IGF1: variants seen among roughly 807,000 people sequenced by gnomAD.
The protein encoded by IGF1 is insulin like growth factor 1.
IGF1 carries 4 observed loss-of-function variants against 13.8 expected under a neutral mutation model. The ratio of observed to expected loss-of-function variants is 0.29; its 90% CI spans 0.14 to 0.66. The LOEUF (loss-of-function observed/expected upper bound fraction) is 0.66. IGF1 is among the 30% of genes least tolerant of loss of function. The pLI is 0.78. For synonymous variants in IGF1, 76 were observed against 72.6 expected (o/e 1.05, Z -0.23); for missense variants, 124 against 188.5 (o/e 0.66, Z 2.00).
At chr12:102,459,437 G>C (rs1338140774) in intron 2 of IGF1, among the ~76,000 whole-genome samples, 1 of 152,080 alleles carries the variant, frequency 6.6e-6, no homozygotes, top group Non-Finnish European at 1.5e-5. Context: ...TTTGGTGGGC[G>C]ATGAGGAGGA....
intron 2 of IGF1, among the ~76,000 whole-genome samples, chr12:102,468,863 T>C (rs889112630): frequency 3.3e-5 from 5 of 152,188 alleles, no homozygotes; most frequent in Non-Finnish European, 7.3e-5. Flanking sequence ...GGGAGAGACC[T>C]TGTGGCTATT....
chr12:102,420,838 G>A (rs1224218606), intron 2 of IGF1, among the ~76,000 whole-genome samples: 1 of 152,068 alleles, frequency 6.6e-6, no homozygotes, highest in Non-Finnish European at 1.5e-5. Context: ...TATAAATCAC[G>A]GGCACAGAAG....
chr12:102,397,764 T>A lies in IGF1; in HGVS notation c.*4743A>T, dbSNP rs756085575. ...CACAATTCTTCTGTTTTAAAATAAA[T>A]GATGCCATTGCATAAATCAGATTTA... On this transcript the variant is annotated 3_prime_UTR_variant, in exon 4 of 4. Transcript: ENST00000337514. 1.3e-5 allele frequency: 2 copies of A among 152,212 alleles called. No individual in the cohort carries two copies. Among genetic ancestry groups the A allele is most frequent in the African/African-American group, 2.4e-5 (1 of 41,466 alleles). The allele number at this position is 152,212 out of a possible 1,614,324, so 9.4% of individuals were successfully genotyped here. A position where few individuals can be genotyped will look rare whatever the true frequency, so the allele number is the denominator to read the frequency against.
intron 2 of IGF1, among the ~76,000 whole-genome samples, chr12:102,467,018 T>G (rs902681449): frequency 3.3e-5 from 5 of 152,184 alleles, no homozygotes; most frequent in Non-Finnish European, 4.4e-5. Flanking sequence ...TAAATCCATT[T>G]AATCCAGAAT....
intron 2 of IGF1, among the ~76,000 whole-genome samples, chr12:102,422,229 T>G (rs911469630): frequency 1.3e-5 from 2 of 152,134 alleles, no homozygotes; most frequent in Non-Finnish European, 2.9e-5. Flanking sequence ...TCTACATTTG[T>G]TTTTTTAAAA....
Position 102,460,116 on chromosome 12 carries a change from AT to A in IGF1, c.220+15526del, listed in dbSNP as rs374537630. Among the ~76,000 whole-genome samples the A allele has an allele frequency of 2.6e-5, 4 of 152,260 alleles. No individual in the cohort carries two copies. The East Asian group carries it at 7.7e-4, about 29-fold the overall frequency. On this transcript the variant is annotated intron_variant, in intron 2 of 3. Coordinates refer to ENST00000337514, the MANE Select transcript of IGF1 (RefSeq NM_000618.5). ...AGGCTCAGCCATGCTGGATTGCACC[AT>A]TTTTTTCATAAGAGAAGTTGTTAAT...
intron 2 of IGF1, among the ~76,000 whole-genome samples, chr12:102,445,518 C>T (rs1204672198): frequency 1.3e-5 from 2 of 152,136 alleles, no homozygotes; most frequent in Non-Finnish European, 2.9e-5. Flanking sequence ...GGAGTTCACT[C>T]ATGATTTGGC....
At chr12:102,418,600 A>G (rs565664621) in intron 3 of IGF1, among the ~76,000 whole-genome samples, 14 of 152,304 alleles carry the variant, frequency 9.2e-5, no homozygotes, top group Admixed American at 3.9e-4. Context: ...AACGAGAGCT[A>G]TTTCTTCCCT....
intron 1 of IGF1, chr12:102,478,780 C>A: frequency 1.8e-6 from 1 of 544,190 alleles, no homozygotes. Flanking sequence ...TGTAGCAGCC[C>A]AGATAGTGAC....
chr12:102,442,274 T>C (rs1025044934), intron 2 of IGF1, among the ~76,000 whole-genome samples: 5 of 152,038 alleles, frequency 3.3e-5, no homozygotes, highest in South Asian at 4.2e-4. Flanking sequence ...TTGAGTAGAA[T>C]CTTCCTGCCT....
Position 102,453,407 on chromosome 12 carries a change from C to T in IGF1, c.220+22236G>A, listed in dbSNP as rs17882237. Among the ~76,000 whole-genome samples the T allele has an allele frequency of 4.3e-3, 658 of 152,242 alleles. 8 individuals carry two copies. Among genetic ancestry groups the T allele is most frequent in the African/African-American group, 0.015 (616 of 41,544 alleles). Reference sequence around the variant, plus strand: ...TCTTCAGGCCTCAGTTAGTGGCCTCCGGTATTCAATTATACTCAGGCAATG... The same window carrying T: ...TCTTCAGGCCTCAGTTAGTGGCCTCTGGTATTCAATTATACTCAGGCAATG... On this transcript the variant is annotated intron_variant, in intron 2 of 3. Transcript: ENST00000337514.
chr12:102,475,546 G>T, intron 2 of IGF1, 97 bp downstream of exon 2: 1 of 1,355,230 alleles, frequency 7.4e-7, no homozygotes, highest in Non-Finnish European at 1.1e-6. Flanking sequence ...CCAGATACGG[G>T]CACTCATTCA....
In IGF1 at chr12:102,480,448, G is replaced by T; in HGVS notation, c.-67C>A. ...GAATAATGAAGCAAAAAGAAATCCA[G>T]AGAGATGGGAGATGTTGAGAGCAAT... On this transcript the variant is annotated 5_prime_UTR_variant, in exon 1 of 4. In the 5' UTR this introduces an upstream ATG that the reference lacks. Transcript: ENST00000337514. 3.7e-6 allele frequency: 6 copies of T among 1,607,152 alleles called. No homozygotes were observed. Among genetic ancestry groups the T allele is most frequent in the Non-Finnish European group, 5.1e-6 (6 of 1,178,284 alleles).
At chr12:102,408,607 C>T (rs17884734) in intron 3 of IGF1, among the ~76,000 whole-genome samples, 4,259 of 152,154 alleles carry the variant, frequency 0.028, 84 homozygotes, top group African/African-American at 0.044. Context: ...GTAGGAATTC[C>T]CCCACCCCCT....
chr12:102,432,006 T>C (rs1876782014), intron 2 of IGF1, among the ~76,000 whole-genome samples: 1 of 152,180 alleles, frequency 6.6e-6, no homozygotes, highest in Non-Finnish European at 1.5e-5. Flanking sequence ...TTATAACAAC[T>C]TTAGCAGACA....
chr12:102,407,094 C>CAAAAAAAAAAAAA (rs57468885), intron 3 of IGF1, among the ~76,000 whole-genome samples: 25 of 100,978 alleles, frequency 2.5e-4, no homozygotes, highest in Non-Finnish European at 4.2e-4. Context: ...ACTCTGTCTC[C>CAAAAAAAAAAAAA]AAAAAAAAAA....
At chr12:102,444,963 T>C (rs1341743505) in intron 2 of IGF1, among the ~76,000 whole-genome samples, 1 of 152,004 alleles carries the variant, frequency 6.6e-6, no homozygotes, top group African/African-American at 2.4e-5. Flanking sequence ...TAAATTGGTA[T>C]GATACCCCAA....
At chr12:102,450,888 A>T (rs1878861505) in intron 2 of IGF1, among the ~76,000 whole-genome samples, 1 of 152,224 alleles carries the variant, frequency 6.6e-6, no homozygotes, top group South Asian at 2.1e-4. Context: ...TTTGGGATCT[A>T]GGAATGCAGA....
intron 2 of IGF1, among the ~76,000 whole-genome samples, chr12:102,454,392 T>C (rs1879209060): frequency 6.6e-6 from 1 of 152,142 alleles, no homozygotes; most frequent in South Asian, 2.1e-4. Context: ...TCCTACTCCC[T>C]AGAAGGAAGT....
Sources: allele counts gnomAD v4.1 joint callset (sites outside exome capture counted in the v4.1 genomes callset), GRCh38; gene constraint gnomAD v4.1.1; transcripts MANE v1.5; gene names NCBI Gene and HGNC (gene_info 2026-07-23, HGNC 2026-07-21).